Variants in CRACD observed in about 807,000 individuals in gnomAD.
The protein encoded by CRACD is capping protein-inhibiting regulator of actin dynamics.
CRACD carries 56 observed loss-of-function variants against 106.8 expected under a neutral mutation model. The ratio of observed to expected loss-of-function variants is 0.52; its 90% CI spans 0.42 to 0.66. The LOEUF (loss-of-function observed/expected upper bound fraction) is 0.66. CRACD is among the 30% of genes least tolerant of loss of function. The pLI, the probability that CRACD is intolerant of heterozygous loss-of-function variation, is 0.00. For synonymous variants in CRACD, 754 were observed against 670.8 expected, an observed-to-expected ratio of 1.12 and a Z score of -1.92; for missense variants, 1,730 against 1,623.2, an observed-to-expected ratio of 1.07 and a Z score of -1.13.
intron 2 of CRACD, among the ~76,000 whole-genome samples, chr4:56,199,843 G>A (rs993625026): frequency 1.3e-5 from 2 of 151,994 alleles, no homozygotes; most frequent in Non-Finnish European, 1.5e-5. Flanking sequence ...GAGCTTCCAA[G>A]GACAGATTTC....
intron 3 of CRACD, among the ~76,000 whole-genome samples, chr4:56,293,940 CAGGTGT>C (rs1743839888): frequency 2.6e-5 from 4 of 151,926 alleles, no homozygotes; most frequent in Admixed American, 2.6e-4. Flanking sequence ...TTCAGGTGTT[CAGGTGT>C]TCAGGTGTGG....
At chr4:56,137,431 C>T (rs1363273375) in intron 1 of CRACD, among the ~76,000 whole-genome samples, 4 of 152,026 alleles carry the variant, frequency 2.6e-5, no homozygotes, top group Non-Finnish European at 4.4e-5. Context: ...GATTTATAAC[C>T]AAAAGTCTTC....
At chr4:56,087,266 G>A (rs1373984704) in intron 1 of CRACD, among the ~76,000 whole-genome samples, 1 of 152,128 alleles carries the variant, frequency 6.6e-6, no homozygotes, top group East Asian at 1.9e-4. Flanking sequence ...GCCCACCTGG[G>A]CCTCCCAAAG....
chr4:56,154,727 C>G (rs1735711272), intron 1 of CRACD, among the ~76,000 whole-genome samples: 1 of 151,992 alleles, frequency 6.6e-6, no homozygotes, highest in Non-Finnish European at 1.5e-5. Context: ...TCATGGCTCC[C>G]AAGGAGGACA....
In CRACD at chr4:56,056,873, GAC is replaced by G. The variant is rs1212418875; in HGVS notation, c.-336+7575_-336+7576del. On this transcript the variant is annotated intron_variant, in intron 1 of 10. Coordinates refer to ENST00000682029, the MANE Select transcript of CRACD (RefSeq NM_001393381.1). ...GGATCCCTTGAGCCCAGGAATTGGA[GAC>G]CAGCCTGGGCAACAAGGTAAAAGTC... Among the ~76,000 whole-genome samples the G allele has an allele frequency of 3.9e-5, 6 of 152,020 alleles. No individual in the cohort carries two copies. In the East Asian group the frequency reaches 1.2e-3, roughly 29 times the overall value.
intron 1 of CRACD, among the ~76,000 whole-genome samples, chr4:56,131,199 G>C (rs570459409): frequency 1.3e-5 from 2 of 152,244 alleles, no homozygotes; most frequent in East Asian, 3.9e-4. Context: ...GTATAACCTA[G>C]GCTCTGGAGT....
intron 1 of CRACD, among the ~76,000 whole-genome samples, chr4:56,133,791 T>C (rs1734902979): frequency 6.6e-6 from 1 of 152,218 alleles, no homozygotes; most frequent in Admixed American, 6.5e-5. Flanking sequence ...TACATACACA[T>C]ATTTACTCGA....
In CRACD at chr4:56,200,275, AT is replaced by A. The variant is rs1207798778; in HGVS notation, c.-189+20852del. ...GGCTTTTTAATTAAACTAGAACCTCATTTTTTTATATGAAACAGTTCAACAC... is the reference window on the plus strand; with the variant it reads ...GGCTTTTTAATTAAACTAGAACCTCATTTTTTATATGAAACAGTTCAACAC... On this transcript the variant is annotated intron_variant, in intron 2 of 10. Transcript: ENST00000682029. 3.9e-5 allele frequency among the ~76,000 whole-genome samples: 6 copies of A among 152,238 alleles called. No individual in the cohort carries two copies. The East Asian group carries it at 9.6e-4, about 24-fold the overall frequency.
intron 2 of CRACD, among the ~76,000 whole-genome samples, chr4:56,187,520 C>G (rs563387283): frequency 6.6e-6 from 1 of 151,904 alleles, no homozygotes; most frequent in Non-Finnish European, 1.5e-5. Flanking sequence ...ATAGACTGTA[C>G]AGGCTTCTCT....
intron 3 of CRACD, among the ~76,000 whole-genome samples, chr4:56,280,581 C>T (rs1198317553): frequency 3.9e-5 from 6 of 152,278 alleles, no homozygotes; most frequent in Admixed American, 6.5e-5. Context: ...TTGTATTTCC[C>T]GCCTCTAACG....
intron 1 of CRACD, among the ~76,000 whole-genome samples, chr4:56,066,685 C>T (rs544870565): frequency 2.0e-5 from 3 of 152,268 alleles, no homozygotes; most frequent in African/African-American, 7.2e-5. Context: ...CAGGATTGTT[C>T]TGCTCTGGCC....
chr4:56,226,454 C>T (rs1049304062), intron 2 of CRACD, among the ~76,000 whole-genome samples: 7 of 152,086 alleles, frequency 4.6e-5, no homozygotes, highest in Admixed American at 1.3e-4. Flanking sequence ...GCTCAATTAA[C>T]CTCCATTCCT....
rs149750521 is a variant in CRACD, at chr4:56,062,000, G to GCC, written c.-336+12702_-336+12703insCC. ...CCATCTTTCAAATAGCTTAAGTACA[G>GCC]CATCATCTCATTTTAAAAAACAGTT... On this transcript the variant is annotated intron_variant, in intron 1 of 10. Coordinates refer to ENST00000682029, the MANE Select transcript of CRACD (RefSeq NM_001393381.1). Among the ~76,000 whole-genome samples, 4 of 152,320 alleles carry GCC rather than the reference G, an allele frequency of 2.6e-5. No individual in the cohort carries two copies. In the East Asian group the frequency reaches 7.7e-4, roughly 29 times the overall value.
chr4:56,243,917 C>T (rs575561850), intron 2 of CRACD, among the ~76,000 whole-genome samples: 2 of 152,288 alleles, frequency 1.3e-5, no homozygotes, highest in South Asian at 4.1e-4. Flanking sequence ...CCCTCTCCCT[C>T]AAAGCCCCTT....
At chr4:56,137,032 T>G (rs9790780) in intron 1 of CRACD, among the ~76,000 whole-genome samples, 55,465 of 152,072 alleles carry the variant, frequency 0.36, 10,608 homozygotes, top group East Asian at 0.54. Flanking sequence ...TGGCATACAT[T>G]TATGGTTCTA....
intron 1 of CRACD, among the ~76,000 whole-genome samples, chr4:56,164,006 C>G (rs1328237828): frequency 6.6e-6 from 1 of 152,148 alleles, no homozygotes; most frequent in Non-Finnish European, 1.5e-5. Flanking sequence ...CTCAGCCTCC[C>G]AAAGTGCTGG....
At chr4:56,263,773 T>C (rs754463304) in intron 2 of CRACD, among the ~76,000 whole-genome samples, 2 of 152,302 alleles carry the variant, frequency 1.3e-5, no homozygotes, top group Non-Finnish European at 2.9e-5. Flanking sequence ...AAGAGAAACA[T>C]GAGCAAAGCA....
At chr4:56,308,096 T>A (rs1744867570) in intron 5 of CRACD, among the ~76,000 whole-genome samples, 1 of 152,226 alleles carries the variant, frequency 6.6e-6, no homozygotes, top group Non-Finnish European at 1.5e-5. Flanking sequence ...AAACATGGGA[T>A]TCCTTGAGAA....
chr4:56,285,295 T>C (rs1475940806), intron 3 of CRACD, among the ~76,000 whole-genome samples: 1 of 152,150 alleles, frequency 6.6e-6, no homozygotes, highest in Non-Finnish European at 1.5e-5. Context: ...ACCTCATCAA[T>C]GGGTAAGAAC....
Sources: allele counts gnomAD v4.1 joint callset (sites outside exome capture counted in the v4.1 genomes callset), GRCh38; gene constraint gnomAD v4.1.1; transcripts MANE v1.5; gene names NCBI Gene and HGNC (gene_info 2026-07-23, HGNC 2026-07-21).